Variants in ADCY2 observed in about 807,000 individuals in gnomAD.
ADCY2 encodes adenylate cyclase type 2.
In ADCY2, 31 loss-of-function variants were observed where a neutral mutation model predicts 125.2. That is an observed-to-expected ratio of 0.25 (90% confidence interval 0.19 to 0.33). ADCY2 has a LOEUF of 0.33. Among genes scored for constraint, ADCY2 ranks in the 10% least tolerant of loss-of-function variants. ADCY2 has a pLI of 1.00. For missense variants in ADCY2, 904 were observed against 1,418.2 expected (o/e 0.64, Z 5.82); for synonymous variants, 512 against 548.4 (o/e 0.93, Z 0.93).
chr5:7,525,984 C>T (rs1307726751), intron 3 of ADCY2, among the ~76,000 whole-genome samples: 1 of 152,130 alleles, frequency 6.6e-6, no homozygotes, highest in African/African-American at 2.4e-5. Flanking sequence ...TCTGACACCC[C>T]ACACATGTGT....
intron 12 of ADCY2, among the ~76,000 whole-genome samples, chr5:7,720,115 G>A (rs1305565282): frequency 6.6e-6 from 1 of 152,068 alleles, no homozygotes; most frequent in Admixed American, 6.5e-5. Context: ...CTGGGGTCAG[G>A]AAAAATGTCA....
rs531424431 is a variant in ADCY2 at position 7,523,342 on chromosome 5, A to G, written c.570+2443A>G. ...AAAAAAAAAAAAAAAAGTGGGAAAGATGGAATCTTAAATTTTTATTTACTC... is the reference window on the plus strand; with the variant it reads ...AAAAAAAAAAAAAAAAGTGGGAAAGGTGGAATCTTAAATTTTTATTTACTC... On this transcript the variant is annotated intron_variant, in intron 3 of 24. Transcript: ENST00000338316. Among the ~76,000 whole-genome samples, 8 of 151,444 alleles carry G rather than the reference A, an allele frequency of 5.3e-5. 1 individual carries two copies. In the South Asian group the frequency reaches 1.2e-3, roughly 24 times the overall value.
At chr5:7,480,348 A>C in intron 2 of ADCY2, among the ~76,000 whole-genome samples, 1 of 152,208 alleles carries the variant, frequency 6.6e-6, no homozygotes, top group South Asian at 2.1e-4. Flanking sequence ...CACTGAATCA[A>C]CCTAAATGCC....
intron 14 of ADCY2, among the ~76,000 whole-genome samples, chr5:7,738,077 A>G (rs1281108926): frequency 1.3e-5 from 2 of 152,204 alleles, no homozygotes; most frequent in African/African-American, 2.4e-5. Context: ...GGAAAAAGGA[A>G]TCTAAGGAAG....
chr5:7,506,318 A>G (rs1424091152), intron 2 of ADCY2, among the ~76,000 whole-genome samples: 1 of 152,224 alleles, frequency 6.6e-6, no homozygotes, highest in African/African-American at 2.4e-5. Flanking sequence ...CTATTTTTAG[A>G]TGTTTTTATA....
intron 2 of ADCY2, among the ~76,000 whole-genome samples, chr5:7,442,308 T>C (rs891760955): frequency 6.6e-6 from 1 of 152,214 alleles, no homozygotes; most frequent in African/African-American, 2.4e-5. Context: ...TGTCTTGGGC[T>C]GTGCAATGCC....
At chr5:7,624,089 T>TTCTG (rs1738044238) in intron 3 of ADCY2, among the ~76,000 whole-genome samples, 1 of 152,190 alleles carries the variant, frequency 6.6e-6, no homozygotes, top group Non-Finnish European at 1.5e-5. Context: ...ATCTGCATCA[T>TTCTG]TCTGGACCCC....
intron 3 of ADCY2, among the ~76,000 whole-genome samples, chr5:7,603,784 CTTTTTTTTTTT>C: frequency 1.6e-4 from 10 of 62,802 alleles, no homozygotes; most frequent in East Asian, 1.2e-3. Context: ...TGCTCTCTTT[CTTTTTTTTTTT>C]TTTTTTTTTT....
At chr5:7,770,542 C>G (rs1445260795) in intron 17 of ADCY2, among the ~76,000 whole-genome samples, 1 of 152,204 alleles carries the variant, frequency 6.6e-6, no homozygotes, top group East Asian at 1.9e-4. Context: ...TTCTCATGGA[C>G]TAGGCTGTTC....
intron 4 of ADCY2, among the ~76,000 whole-genome samples, chr5:7,627,192 T>C (rs565800188): frequency 6.6e-6 from 1 of 151,876 alleles, no homozygotes; most frequent in Non-Finnish European, 1.5e-5. Flanking sequence ...GATTGAAGAG[T>C]CTGGGGAGGA....
intron 2 of ADCY2, among the ~76,000 whole-genome samples, chr5:7,479,571 A>G (rs1288359292): frequency 6.6e-6 from 1 of 151,956 alleles, no homozygotes; most frequent in Non-Finnish European, 1.5e-5. Context: ...CCAAGGATTT[A>G]TCTTTTGTGT....
rs190460876 is a variant in ADCY2, at chr5:7,519,375, G to A, written c.409-1363G>A. 5.9e-5 allele frequency among the ~76,000 whole-genome samples: 9 copies of A among 152,284 alleles called. No homozygotes were observed. The East Asian group carries it at 1.6e-3, about 26-fold the overall frequency. ...CACCACGTCCTTCCAGCTGTGCAGCGCTTGAGCGTCCCCTTCAGGTGACAC... is the reference window on the plus strand; with the variant it reads ...CACCACGTCCTTCCAGCTGTGCAGCACTTGAGCGTCCCCTTCAGGTGACAC... On this transcript the variant is annotated intron_variant, in intron 2 of 24. Coordinates refer to ENST00000338316, the MANE Select transcript of ADCY2 (RefSeq NM_020546.3).
chr5:7,469,478 C>A (rs996723676), intron 2 of ADCY2, among the ~76,000 whole-genome samples: 1 of 151,838 alleles, frequency 6.6e-6, no homozygotes, highest in Admixed American at 6.6e-5. Context: ...TTCTCTAAAC[C>A]TGCCTATATA....
intron 2 of ADCY2, among the ~76,000 whole-genome samples, chr5:7,421,596 C>T (rs557001396): frequency 6.6e-6 from 1 of 152,316 alleles, no homozygotes; most frequent in East Asian, 1.9e-4. Context: ...GGGTTTAGGA[C>T]TTGAAGCTAT....
intron 2 of ADCY2, among the ~76,000 whole-genome samples, chr5:7,422,526 C>T (rs539350819): frequency 7.1e-4 from 108 of 152,316 alleles, no homozygotes; most frequent in African/African-American, 2.0e-3. Context: ...CCCACATTTG[C>T]ATCTGACTCC....
At chr5:7,488,707 C>T (rs924251382) in intron 2 of ADCY2, among the ~76,000 whole-genome samples, 5 of 152,146 alleles carry the variant, frequency 3.3e-5, no homozygotes, top group Non-Finnish European at 4.4e-5. Flanking sequence ...AGGGCCTGAC[C>T]ACCAATGGGA....
intron 3 of ADCY2, among the ~76,000 whole-genome samples, chr5:7,619,348 G>A (rs1737876650): frequency 1.3e-5 from 2 of 152,122 alleles, no homozygotes; most frequent in Non-Finnish European, 2.9e-5. Context: ...GAGAAGATCT[G>A]GTAGTGTTGC....
intron 3 of ADCY2, among the ~76,000 whole-genome samples, chr5:7,570,984 AGGCTTTGCT>A (rs1323204835): frequency 3.3e-5 from 5 of 152,196 alleles, no homozygotes; most frequent in Non-Finnish European, 7.3e-5. Flanking sequence ...TATCAGAAAT[AGGCTTTGCT>A]GATATGTTAT....
chr5:7,504,833 A>G (rs1743744655), intron 2 of ADCY2, among the ~76,000 whole-genome samples: 1 of 151,356 alleles, frequency 6.6e-6, no homozygotes, highest in Non-Finnish European at 1.5e-5. Context: ...TATTATTATT[A>G]TTATTTTTTA....
Sources: allele counts gnomAD v4.1 joint callset (sites outside exome capture counted in the v4.1 genomes callset), GRCh38; gene constraint gnomAD v4.1.1; transcripts MANE v1.5; gene names NCBI Gene and HGNC (gene_info 2026-07-23, HGNC 2026-07-21).